The following CGNL1 variants were observed in gnomAD, a reference collection of about 807,000 sequenced individuals.
CGNL1 encodes cingulin like 1.
Under a neutral mutation model 141.2 loss-of-function variants are expected in CGNL1, and 132 were observed. The observed-to-expected ratio is 0.93, with a 90% CI of 0.81 to 1.08. The LOEUF (loss-of-function observed/expected upper bound fraction) is 1.08. CGNL1 is among the 50% of genes least tolerant of loss of function. The probability of loss-of-function intolerance (pLI) is 0.00; values close to 1 mark genes in which losing one functional copy is unlikely to be tolerated. For synonymous variants in CGNL1, 690 were observed against 622.1 expected, an observed-to-expected ratio of 1.11 and a Z score of -1.63; for missense variants, 1,870 against 1,588.6, an observed-to-expected ratio of 1.18 and a Z score of -3.01.
chr15:57,396,393 C>T (rs1210640288), intron 1 of CGNL1, among the ~76,000 whole-genome samples: 3 of 151,862 alleles, frequency 2.0e-5, no homozygotes, highest in African/African-American at 7.3e-5. Context: ...TCTGCCTCAG[C>T]CTCCCAAGTA....
chr15:57,420,325 T>C (rs563759066), intron 1 of CGNL1, among the ~76,000 whole-genome samples: 14 of 152,346 alleles, frequency 9.2e-5, no homozygotes, highest in African/African-American at 3.1e-4. Flanking sequence ...AACATAGATG[T>C]GTACACTAGC....
At chr15:57,452,079 C>T (rs1208840041) in intron 5 of CGNL1, 62 bp from the exon 6 acceptor site, 10 of 1,449,328 alleles carry the variant, frequency 6.9e-6, no homozygotes, top group Non-Finnish European at 6.5e-6. Flanking sequence ...GAGAAGTAGG[C>T]TTCTGTGGGG....
intron 1 of CGNL1, among the ~76,000 whole-genome samples, chr15:57,408,713 C>G (rs944161950): frequency 6.6e-6 from 1 of 151,936 alleles, no homozygotes. Flanking sequence ...GGTTCGTAGA[C>G]GCCCTTTTTA....
intron 7 of CGNL1, among the ~76,000 whole-genome samples, chr15:57,454,559 A>T (rs72739719): frequency 0.042 from 6,334 of 152,262 alleles, 221 homozygotes; most frequent in South Asian, 0.14. Context: ...TCTTCACCCG[A>T]TGACCTGGCA....
At chr15:57,497,877 G>C (rs776502870) in intron 8 of CGNL1, among the ~76,000 whole-genome samples, 1 of 152,206 alleles carries the variant, frequency 6.6e-6, no homozygotes, top group Non-Finnish European at 1.5e-5. Context: ...TCACATTAGT[G>C]GGCACTTCCA....
Position 57,439,174 on chromosome 15 carries a change from C to T in CGNL1, c.1175C>T (p.Ala392Val). The change falls in exon 2 of 19, where the codon GCC becomes GTC. Residue 392 changes from alanine to valine, a missense_variant. Physicochemically the swap from Ala to Val is moderately conservative, Grantham distance 64 (BLOSUM62 0). Coordinates refer to ENST00000281282, the MANE Select transcript of CGNL1 (RefSeq NM_032866.5). The stretch of plus-strand genomic sequence containing the variant: ...AAAAGATCCAGAAGCGTGGATAGCG[C>T]CTTTCCTTTTGGCCTCCAAGGGAAC... The part of the protein sequence containing the change: ...DRKRSRSVDS[A>V]FPFGLQGNSE... 6.2e-7 allele frequency: 1 copy of T among 1,614,202 alleles called. No homozygotes were observed. The highest frequency in any genetic ancestry group is 8.5e-7 in the Non-Finnish European group (1 of 1,180,032).
chr15:57,540,754 T>C (rs1008203074), intron 14 of CGNL1, among the ~76,000 whole-genome samples: 6 of 152,176 alleles, frequency 3.9e-5, no homozygotes, highest in Admixed American at 3.3e-4. Context: ...TGTCCCCCAC[T>C]AGGCTATATG....
chr15:57,380,613 G>A (rs1185149448), intron 1 of CGNL1, among the ~76,000 whole-genome samples: 8 of 152,082 alleles, frequency 5.3e-5, no homozygotes, highest in African/African-American at 9.7e-5. Flanking sequence ...TATTAGGCCC[G>A]TACCCCAAAT....
intron 10 of CGNL1, among the ~76,000 whole-genome samples, chr15:57,519,482 G>A (rs932607114): frequency 6.6e-6 from 1 of 152,150 alleles, no homozygotes; most frequent in Non-Finnish European, 1.5e-5. Context: ...CTAGCTTGGG[G>A]ACTCTCCCCC....
At position 57,516,896 on chromosome 15, in the gene CGNL1, G is replaced by C. The variant is rs141745919; in HGVS notation, c.2520G>C (p.Glu840Asp). ...ENEKLQGRSE[E>D]LERRVAQLQR... ...AGAAGCTGCAGGGAAGAAGCGAAGA[G>C]CTGGAGCGGAGAGTTGCTCAGCTTC... is the stretch of plus-strand genomic sequence containing the variant. The change falls in exon 9 of 19, where the codon GAG (glutamate) becomes GAC (aspartate). Residue 840 changes from glutamate (E) to aspartate (D), a missense_variant. By Grantham distance (45) the Glu-to-Asp change is conservative. Coordinates refer to ENST00000281282, the MANE Select transcript of CGNL1 (RefSeq NM_032866.5). 1.3e-4 allele frequency: 217 copies of C among 1,613,562 alleles called. 1 individual carries two copies. The African/African-American group carries it at 2.5e-3, about 18-fold the overall frequency.
chr15:57,401,986 G>A (rs991021811), intron 1 of CGNL1: 2 of 152,130 alleles, frequency 1.3e-5, no homozygotes, highest in East Asian at 3.9e-4. Context: ...TCTACATACT[G>A]CTTGGAACAT....
chr15:57,396,277 G>GTTTTTTTTTTTTTTTTTTTTTTTTTTTTT (rs57154500), intron 1 of CGNL1, among the ~76,000 whole-genome samples: 1 of 129,218 alleles, frequency 7.7e-6, no homozygotes, highest in African/African-American at 2.9e-5. Context: ...TTCTTTCTTT[G>GTTTTTTTTTTTTTTTTTTTTTTTTTTTTT]TTTTTTTTTT....
At chr15:57,537,044 G>A (rs1184237671) in intron 14 of CGNL1, among the ~76,000 whole-genome samples, 1 of 152,154 alleles carries the variant, frequency 6.6e-6, no homozygotes, top group South Asian at 2.1e-4. Flanking sequence ...GGCTTCATAT[G>A]CTTTAAATTA....
chr15:57,383,653 C>T lies in CGNL1; in HGVS notation c.-16+7086C>T, dbSNP rs370934767. 2.9e-5 allele frequency among the ~76,000 whole-genome samples: 4 copies of T among 137,722 alleles called. No homozygotes were observed. In the East Asian group the frequency reaches 6.7e-4, roughly 23 times the overall value. 90.4% of individuals were successfully genotyped at this position (137,722 alleles called of 152,430 possible). A position where few individuals can be genotyped will look rare whatever the true frequency, so the allele number is the denominator to read the frequency against. ...TTTCTTTTTTTTTTTGAGATAATCT[C>T]ACTCTGTTGGCCAGGCTGGAGTGCA... On this transcript the variant is annotated intron_variant, in intron 1 of 18. Transcript: ENST00000281282.
chr15:57,513,433 T>C (rs2030511435), intron 8 of CGNL1, among the ~76,000 whole-genome samples: 1 of 152,224 alleles, frequency 6.6e-6, no homozygotes, highest in Admixed American at 6.5e-5. Flanking sequence ...CATTCACTGT[T>C]TGATGGACAT....
chr15:57,487,121 C>A (rs2063795673), intron 8 of CGNL1, among the ~76,000 whole-genome samples: 1 of 152,128 alleles, frequency 6.6e-6, no homozygotes, highest in Admixed American at 6.5e-5. Context: ...AATTGCCCAG[C>A]AACTAGAAAG....
At chr15:57,466,778 G>A (rs1158258687) in intron 8 of CGNL1, among the ~76,000 whole-genome samples, 1 of 152,184 alleles carries the variant, frequency 6.6e-6, no homozygotes, top group Non-Finnish European at 1.5e-5. Flanking sequence ...TACTTCTCAT[G>A]AAAATGAACA....
intron 1 of CGNL1, among the ~76,000 whole-genome samples, chr15:57,401,104 A>T (rs2062656180): frequency 6.6e-6 from 1 of 152,040 alleles, no homozygotes; most frequent in Non-Finnish European, 1.5e-5. Flanking sequence ...TTGTATTTTT[A>T]AAAATATATT....
At chr15:57,414,924 G>A (rs1289547750) in intron 1 of CGNL1, among the ~76,000 whole-genome samples, 2 of 152,190 alleles carry the variant, frequency 1.3e-5, no homozygotes, top group African/African-American at 2.4e-5. Flanking sequence ...GGCTTTGGGG[G>A]TGAGAGAGAA....
Sources: gnomAD v4.1 joint callset for allele counts (sites outside exome capture counted in the v4.1 genomes callset) on GRCh38, gnomAD v4.1.1 for gene constraint, MANE v1.5 for transcripts, NCBI Gene and HGNC (gene_info 2026-07-23, HGNC 2026-07-21) for gene names.